PRKG1: variants seen among roughly 807,000 people sequenced by gnomAD.
The protein encoded by PRKG1 is protein kinase cGMP-dependent 1.
PRKG1 carries 35 observed loss-of-function variants against 88.1 expected under a neutral mutation model. The ratio of observed to expected loss-of-function variants is 0.40; its 90% CI spans 0.30 to 0.53. The LOEUF is 0.53. Ranked by LOEUF, PRKG1 falls within the 20% of genes least tolerant of loss-of-function variation. PRKG1 has a pLI of 0.59. For missense variants in PRKG1, 540 were observed against 839.8 expected (o/e 0.64, Z 4.41); for synonymous variants, 303 against 292.5 (o/e 1.04, Z -0.37).
chr10:51,580,403 C>T (rs974436342), intron 3 of PRKG1, among the ~76,000 whole-genome samples: 3 of 152,122 alleles, frequency 2.0e-5, no homozygotes, highest in South Asian at 4.1e-4. Flanking sequence ...CTTGCCAACA[C>T]ATGGTATTAT....
At chr10:51,313,942 T>C (rs1841256518) in intron 2 of PRKG1, among the ~76,000 whole-genome samples, 2 of 152,324 alleles carry the variant, frequency 1.3e-5, no homozygotes, top group South Asian at 4.1e-4. Context: ...TGCATTTGGA[T>C]GAATCCATGG....
At chr10:51,584,206 T>G (rs529494373) in intron 3 of PRKG1, among the ~76,000 whole-genome samples, 94 of 152,208 alleles carry the variant, frequency 6.2e-4, no homozygotes, top group Admixed American at 1.1e-3. Flanking sequence ...ATTTGCCAAG[T>G]GCAATGCAAT....
Position 52,251,652 on chromosome 10 carries a change from G to A in PRKG1, c.1159G>A (p.Gly387Arg), listed in dbSNP as rs1160829232. Residue 387 changes from glycine to arginine, a missense_variant, in exon 10 of 18, where the codon GGA (glycine) becomes AGA (arginine). Physicochemically the swap from Gly to Arg is moderately radical, Grantham distance 125. Transcript: ENST00000373980. ...IIDTLGVGGF[G>R]RVELVQLKSE... ...TGATACCCTTGGAGTTGGAGGTTTC[G>A]GACGAGTAGAACTGGTAGGTGATTG... 3.1e-6 allele frequency: 5 copies of A among 1,612,980 alleles called. No individual in the cohort carries two copies. Among genetic ancestry groups the A allele is most frequent in the South Asian group, 1.1e-5 (1 of 91,014 alleles).
chr10:51,901,432 G>A (rs1160449628), intron 4 of PRKG1, among the ~76,000 whole-genome samples: 2 of 152,142 alleles, frequency 1.3e-5, no homozygotes, highest in Non-Finnish European at 2.9e-5. Flanking sequence ...TTTAATTCCA[G>A]CAAGGTACCA....
intron 3 of PRKG1, among the ~76,000 whole-genome samples, chr10:51,609,036 T>C (rs1285454947): frequency 2.0e-5 from 3 of 152,032 alleles, no homozygotes; most frequent in African/African-American, 7.2e-5. Flanking sequence ...AAAAAGTTTA[T>C]AAAGTAAAAA....
chr10:52,114,374 C>A (rs1018966621), intron 7 of PRKG1, among the ~76,000 whole-genome samples: 6 of 152,148 alleles, frequency 3.9e-5, no homozygotes, highest in Non-Finnish European at 8.8e-5. Context: ...GGAAACTTTT[C>A]TGTCAAGAGA....
At chr10:51,637,882 T>G (rs1839699519) in intron 3 of PRKG1, among the ~76,000 whole-genome samples, 1 of 152,186 alleles carries the variant, frequency 6.6e-6, no homozygotes, top group Non-Finnish European at 1.5e-5. Flanking sequence ...TGTTAGCCTA[T>G]GTAACAAACC....
At chr10:52,282,005 C>T (rs367632892) in intron 13 of PRKG1, 148 bp from the exon 14 acceptor site, 2 of 797,486 alleles carry the variant, frequency 2.5e-6, no homozygotes, top group Non-Finnish European at 3.6e-6. Context: ...ACTGTCTTTG[C>T]AATATAGACT....
intron 1 of PRKG1, among the ~76,000 whole-genome samples, chr10:50,994,138 C>T: frequency 6.6e-6 from 1 of 152,238 alleles, no homozygotes; most frequent in East Asian, 1.9e-4. Flanking sequence ...AGCAAGCTGA[C>T]TCATTAGAGT....
rs192724469 is a variant in PRKG1 at position 51,030,721 on chromosome 10, C to G, written c.266+39077C>G. Among the ~76,000 whole-genome samples the G allele has an allele frequency of 2.0e-5, 3 of 152,082 alleles. No individual in the cohort carries two copies. The East Asian group carries it at 5.8e-4, about 29-fold the overall frequency. ...CTTGCTCTATTAGGTCATGCCAGAG[C>G]GGGTTGTTTAAAGAGCCTGAAAAAC... On this transcript the variant is annotated intron_variant, in intron 1 of 17. Coordinates refer to the PRKG1 transcript ENST00000401604.
chr10:51,697,941 T>C (rs143644186), intron 3 of PRKG1: 193 of 1,598,298 alleles, frequency 1.2e-4, no homozygotes, highest in South Asian at 3.7e-4. Context: ...CCTTGTATAC[T>C]GACTCCTTGT....
intron 5 of PRKG1, among the ~76,000 whole-genome samples, chr10:51,981,643 C>G (rs1044243753): frequency 6.6e-6 from 1 of 152,074 alleles, no homozygotes; most frequent in African/African-American, 2.4e-5. Flanking sequence ...TACTGGCCCC[C>G]AATCTCTTCT....
intron 3 of PRKG1, among the ~76,000 whole-genome samples, chr10:51,642,508 C>A (rs769310068): frequency 6.6e-6 from 1 of 152,240 alleles, no homozygotes; most frequent in East Asian, 1.9e-4. Flanking sequence ...ATTTTTTGGG[C>A]AAGGACATAA....
chr10:51,421,267 C>A (rs1030324113), intron 2 of PRKG1, among the ~76,000 whole-genome samples: 10 of 152,060 alleles, frequency 6.6e-5, no homozygotes, highest in Non-Finnish European at 1.5e-4. Flanking sequence ...GAACTCCTGG[C>A]CTCAAGCAAT....
intron 2 of PRKG1, among the ~76,000 whole-genome samples, chr10:51,216,793 T>C (rs1208478510): frequency 6.6e-6 from 1 of 152,186 alleles, no homozygotes; most frequent in Non-Finnish European, 1.5e-5. Flanking sequence ...TTTCAGCTAA[T>C]TCAGCATTGA....
intron 6 of PRKG1, among the ~76,000 whole-genome samples, chr10:52,059,600 A>G (rs1044174024): frequency 6.6e-6 from 1 of 151,938 alleles, no homozygotes; most frequent in African/African-American, 2.4e-5. Context: ...AGTTTGATGC[A>G]GAACAGACTA....
intron 3 of PRKG1, among the ~76,000 whole-genome samples, chr10:51,639,825 A>G (rs1021265687): frequency 6.6e-6 from 1 of 152,112 alleles, no homozygotes; most frequent in African/African-American, 2.4e-5. Context: ...CCAACCTAAT[A>G]AAAGCTTTGC....
At chr10:52,089,091 A>G (rs1846987623) in intron 7 of PRKG1, among the ~76,000 whole-genome samples, 1 of 152,222 alleles carries the variant, frequency 6.6e-6, no homozygotes. Flanking sequence ...CTTACTAAAT[A>G]AGGAGATAAA....
At chr10:51,300,924 A>C (rs749929201) in intron 2 of PRKG1, among the ~76,000 whole-genome samples, 1 of 152,150 alleles carries the variant, frequency 6.6e-6, no homozygotes, top group Non-Finnish European at 1.5e-5. Flanking sequence ...TTCCTGTATA[A>C]ATCTTGTGAG....
Sources: allele counts gnomAD v4.1 joint callset (sites outside exome capture counted in the v4.1 genomes callset), GRCh38; gene constraint gnomAD v4.1.1; transcripts MANE v1.5; gene names NCBI Gene and HGNC (gene_info 2026-07-23, HGNC 2026-07-21).